DCDC2: variants seen among roughly 807,000 people sequenced by gnomAD.
The protein encoded by DCDC2 is doublecortin domain containing 2.
A neutral mutation model predicts 50.2 loss-of-function variants in DCDC2; 40 were observed. The observed-to-expected ratio is 0.80, with a 90% CI of 0.62 to 1.04. The LOEUF (loss-of-function observed/expected upper bound fraction) is 1.04, where lower values mean the gene tolerates loss of function less well. DCDC2 is among the 50% of genes least tolerant of loss of function. DCDC2 has a pLI of 0.00. For synonymous variants in DCDC2, 234 were observed against 210.6 expected, an observed-to-expected ratio of 1.11 and a Z score of -0.96; for missense variants, 570 against 581.9, an observed-to-expected ratio of 0.98 and a Z score of 0.21.
At chr6:24,198,134 AAAAC>A (rs1414560813) in intron 8 of DCDC2, among the ~76,000 whole-genome samples, 2 of 152,222 alleles carry the variant, frequency 1.3e-5, no homozygotes, top group Non-Finnish European at 2.9e-5. Flanking sequence ...TCCTTTATGA[AAAAC>A]AAATTCCAAC....
intron 7 of DCDC2, among the ~76,000 whole-genome samples, chr6:24,267,129 G>A (rs80186945): frequency 0.036 from 5,508 of 152,236 alleles, 224 homozygotes; most frequent in African/African-American, 0.1. Context: ...CGAAGATACA[G>A]AGTAGAATGG....
chr6:24,250,814 G>A (rs1331459226), intron 7 of DCDC2, among the ~76,000 whole-genome samples: 2 of 151,802 alleles, frequency 1.3e-5, no homozygotes, highest in African/African-American at 2.4e-5. Context: ...AAATTACATA[G>A]CATGATGATG....
chr6:24,235,996 G>A (rs776326220), intron 7 of DCDC2, among the ~76,000 whole-genome samples: 3 of 152,096 alleles, frequency 2.0e-5, no homozygotes, highest in Non-Finnish European at 2.9e-5. Flanking sequence ...AATTAGAAGA[G>A]CCAATGTCAT....
In DCDC2 at chr6:24,348,182, G is replaced by A. The variant is rs558057113; in HGVS notation, c.348+5387C>T. On this transcript the variant is annotated intron_variant, in intron 2 of 9. Coordinates refer to ENST00000378454, the MANE Select transcript of DCDC2 (RefSeq NM_016356.5). ...ATAAAATGACAGTGACAAAGAGGCA[G>A]GAGGGTTTGTAGGTTTGTAGGGTTT... is the stretch of plus-strand genomic sequence containing the variant. Among the ~76,000 whole-genome samples the A allele has an allele frequency of 1.2e-4, 19 of 152,320 alleles. No homozygotes were observed. In the South Asian group the frequency reaches 3.9e-3, roughly 32 times the overall value.
intron 2 of DCDC2, among the ~76,000 whole-genome samples, chr6:24,342,250 A>C (rs1399062415): frequency 6.6e-6 from 1 of 152,238 alleles, no homozygotes; most frequent in Non-Finnish European, 1.5e-5. Context: ...CCATACGGCA[A>C]AACAGGAATA....
At chr6:24,331,753 T>C (rs920810795) in intron 2 of DCDC2, among the ~76,000 whole-genome samples, 21 of 152,188 alleles carry the variant, frequency 1.4e-4, no homozygotes, top group African/African-American at 5.1e-4. Context: ...TACTTGATTC[T>C]GATGACAGAT....
chr6:24,204,320 T>C (rs12197434), intron 8 of DCDC2, among the ~76,000 whole-genome samples: 32,628 of 152,062 alleles, frequency 0.21, 4,344 homozygotes, highest in African/African-American at 0.36. Context: ...AAAAAGGATG[T>C]GTTCGTGTCT....
intron 2 of DCDC2, among the ~76,000 whole-genome samples, chr6:24,329,757 T>C (rs1759934786): frequency 6.6e-6 from 1 of 152,210 alleles, no homozygotes; most frequent in African/African-American, 2.4e-5. Flanking sequence ...AAACATTCTT[T>C]CCTGCGCTAT....
chr6:24,321,080 A>T (rs967494385), intron 2 of DCDC2, among the ~76,000 whole-genome samples: 30 of 152,316 alleles, frequency 2.0e-4, no homozygotes, highest in African/African-American at 7.0e-4. Context: ...TTAGATTTTA[A>T]CACCTAAAAT....
chr6:24,248,332 C>T (rs942275350), intron 7 of DCDC2, among the ~76,000 whole-genome samples: 7 of 152,152 alleles, frequency 4.6e-5, no homozygotes, highest in African/African-American at 1.7e-4. Flanking sequence ...AGATCTAGAC[C>T]TTCACATACA....
At chr6:24,344,176 C>A (rs1342744007) in intron 2 of DCDC2, among the ~76,000 whole-genome samples, 2 of 151,918 alleles carry the variant, frequency 1.3e-5, no homozygotes, top group African/African-American at 2.4e-5. Flanking sequence ...ATGAGTTTGA[C>A]TTTTTAGATT....
chr6:24,351,786 T>C (rs79597656), intron 2 of DCDC2, among the ~76,000 whole-genome samples: 492 of 152,276 alleles, frequency 3.2e-3, no homozygotes, highest in African/African-American at 0.011. Context: ...GAACTGGAGT[T>C]TCTGTGAATG....
chr6:24,328,878 G>T (rs185057053), intron 2 of DCDC2, among the ~76,000 whole-genome samples: 271 of 152,178 alleles, frequency 1.8e-3, no homozygotes, highest in African/African-American at 6.2e-3. Flanking sequence ...GAGCCACATA[G>T]TTCTCATTTT....
chr6:24,219,893 C>T (rs1232890822), intron 7 of DCDC2, among the ~76,000 whole-genome samples: 3 of 152,190 alleles, frequency 2.0e-5, no homozygotes, highest in South Asian at 2.1e-4. Context: ...CTCACAGCCC[C>T]TAGAGGCCAC....
At chr6:24,238,273 C>G (rs1762496694) in intron 7 of DCDC2, among the ~76,000 whole-genome samples, 1 of 147,012 alleles carries the variant, frequency 6.8e-6, no homozygotes, top group Admixed American at 6.8e-5. Context: ...ACATCTTGGA[C>G]ACTTGTGTTT....
chr6:24,368,578 T>C, the DCDC2 span, among the ~76,000 whole-genome samples: 1 of 152,146 alleles, frequency 6.6e-6, no homozygotes, highest in Non-Finnish European at 1.5e-5. Context: ...GTTGTCAATA[T>C]GGAATTTGTG....
intron 2 of DCDC2, among the ~76,000 whole-genome samples, chr6:24,316,439 AG>A (rs985333613): frequency 1.1e-4 from 17 of 152,252 alleles, no homozygotes; most frequent in African/African-American, 4.1e-4. Flanking sequence ...CTAAGAGAGA[AG>A]GATCAGCTGT....
intron 7 of DCDC2, among the ~76,000 whole-genome samples, chr6:24,230,466 A>G (rs1203020080): frequency 6.6e-6 from 1 of 151,602 alleles, no homozygotes; most frequent in Non-Finnish European, 1.5e-5. Context: ...ACACAGTGAG[A>G]CCCCGCCACT....
At chr6:24,206,258 C>T (rs1761716649) in intron 7 of DCDC2, among the ~76,000 whole-genome samples, 1 of 152,028 alleles carries the variant, frequency 6.6e-6, no homozygotes, top group African/African-American at 2.4e-5. Context: ...AAGTTGCTTC[C>T]AGTCCAATGA....
Sources: gnomAD v4.1 joint callset for allele counts (sites outside exome capture counted in the v4.1 genomes callset) on GRCh38, gnomAD v4.1.1 for gene constraint, MANE v1.5 for transcripts, NCBI Gene and HGNC (gene_info 2026-07-23, HGNC 2026-07-21) for gene names.